Variants in MAN2B2 observed in about 807,000 individuals in gnomAD.
The protein encoded by MAN2B2 is epididymis-specific alpha-mannosidase.
A neutral mutation model predicts 117.1 loss-of-function variants in MAN2B2; 106 were observed. That is an observed-to-expected ratio of 0.90 (90% CI 0.77 to 1.06). MAN2B2 has a LOEUF of 1.06. Among genes scored for constraint, MAN2B2 ranks in the 50% least tolerant of loss-of-function variants. The pLI, the probability that MAN2B2 is intolerant of heterozygous loss-of-function variation, is 0.00. For missense variants in MAN2B2, 1,326 were observed against 1,381.4 expected (o/e 0.96, Z 0.64); for synonymous variants, 544 against 595.1 (o/e 0.91, Z 1.25).
chr4:6,589,004 C>T, intron 4 of MAN2B2, 41 bp from the exon 5 acceptor site: 1 of 1,483,052 alleles, frequency 6.7e-7, no homozygotes, highest in East Asian at 2.3e-5. Context: ...CTGGGGCAGC[C>T]ATGTGGCCCC....
chr4:6,595,077 C>T (rs16838983), intron 7 of MAN2B2, among the ~76,000 whole-genome samples: 2,770 of 152,304 alleles, frequency 0.018, 91 homozygotes, highest in African/African-American at 0.061. Context: ...ACCTCTTCTA[C>T]GAGCCCTTTC....
intron 6 of MAN2B2, among the ~76,000 whole-genome samples, 177 bp from the exon 7 acceptor site, chr4:6,594,357 G>A (rs1292607358): frequency 1.3e-5 from 2 of 152,158 alleles, no homozygotes; most frequent in African/African-American, 2.4e-5. Context: ...ACTTGAACCC[G>A]GGAGGCGGAG....
chr4:6,611,276 C>T lies in MAN2B2; in HGVS notation c.2561C>T (p.Ala854Val), dbSNP rs190137231. ...HRPVVLFGDL[A>V]GTAPKLPGPQ... is the part of the protein sequence containing the mutation. ...CCCGTGGTGCTGTTCGGAGACCTCG[C>T]TGGTAAAGGGGCACCCTTTCAGAGT... Residue 854 changes from alanine to valine, a missense_variant and splice_region_variant, in exon 15 of 19, where the codon GCT becomes GTT. Coordinates refer to ENST00000285599, the MANE Select transcript of MAN2B2 (RefSeq NM_015274.3). 2.5e-6 allele frequency: 4 copies of T among 1,596,676 alleles called. No homozygotes were observed. In the East Asian group the frequency reaches 8.9e-5, roughly 36 times the overall value.
intron 7 of MAN2B2, among the ~76,000 whole-genome samples, chr4:6,596,150 GGTGGGCGTGGTATCCA>G (rs1232830659): frequency 3.2e-4 from 48 of 152,028 alleles, no homozygotes; most frequent in African/African-American, 1.1e-3. Context: ...GTGGTATCCA[GGTGGGCGTGGTATCCA>G]GGCGGGTGTG....
intron 5 of MAN2B2, among the ~76,000 whole-genome samples, chr4:6,591,668 T>C (rs1726864709): frequency 6.6e-6 from 1 of 152,160 alleles, no homozygotes; most frequent in South Asian, 2.1e-4. Flanking sequence ...CCTGGGGGCC[T>C]TCAAGGCTCA....
chr4:6,613,056 T>G (rs573967745), intron 15 of MAN2B2, among the ~76,000 whole-genome samples: 384 of 152,360 alleles, frequency 2.5e-3, no homozygotes, highest in Non-Finnish European at 4.4e-3. Flanking sequence ...CAAAAGGACC[T>G]AAGACTTGGA....
chr4:6,610,946 G>A lies in MAN2B2; in HGVS notation c.2326G>A (p.Glu776Lys). ...DGKSRLVLLSERAHGISSQGN... is the reference protein window; with the variant it reads ...DGKSRLVLLSKRAHGISSQGN... ...CAAAAGCAGGCTTGTGTTGCTGTCG[G>A]AGCGGGCACATGGCATCTCCAGCCA... Residue 776 changes from glutamate to lysine, a missense_variant, in exon 14 of 19, where the codon GAG becomes AAG. Coordinates refer to ENST00000285599, the MANE Select transcript of MAN2B2 (RefSeq NM_015274.3). 6.2e-7 allele frequency: 1 copy of A among 1,614,226 alleles called. No homozygotes were observed. Among genetic ancestry groups the A allele is most frequent in the Non-Finnish European group, 8.5e-7 (1 of 1,180,026 alleles).
At chr4:6,621,063 C>T in intron 18 of MAN2B2, 125 bp from the exon 19 acceptor site, 2 of 659,098 alleles carry the variant, frequency 3.0e-6, no homozygotes, top group Non-Finnish European at 5.4e-6. Flanking sequence ...AGATTGTAGA[C>T]AGGTGCAGGA....
intron 1 of MAN2B2, 143 bp from the exon 2 acceptor site, chr4:6,576,435 C>G: frequency 1.1e-6 from 1 of 944,960 alleles, no homozygotes; most frequent in Admixed American, 2.1e-5. Context: ...GAGCGAGTGC[C>G]TAATAGCTGT....
chr4:6,577,243 C>T (rs1281526473), intron 2 of MAN2B2, among the ~76,000 whole-genome samples: 3 of 152,196 alleles, frequency 2.0e-5, no homozygotes, highest in East Asian at 1.9e-4. Context: ...CCAGGGGACA[C>T]GACTAGCCCC....
At chr4:6,587,744 G>GTTT (rs1553912035) in intron 4 of MAN2B2, among the ~76,000 whole-genome samples, 3 of 128,044 alleles carry the variant, frequency 2.3e-5, no homozygotes, top group Non-Finnish European at 5.0e-5. Context: ...GGTCTTTTGG[G>GTTT]TTGTTGTTTT....
At chr4:6,617,336 G>A in intron 16 of MAN2B2, 44 bp from the exon 17 acceptor site, 1 of 1,486,042 alleles carries the variant, frequency 6.7e-7, no homozygotes, top group African/African-American at 1.4e-5. Flanking sequence ...CATTGGGGTT[G>A]GTTGATGAGG....
chr4:6,579,174 CCACCATCACCATCACCAG>C (rs1726254015), intron 3 of MAN2B2, among the ~76,000 whole-genome samples: 2 of 79,512 alleles, frequency 2.5e-5, no homozygotes, highest in East Asian at 1.3e-3. Flanking sequence ...ACCACCACCA[CCACCATCACCATCACCAG>C]CACCACCACC....
intron 16 of MAN2B2, among the ~76,000 whole-genome samples, chr4:6,614,870 G>A (rs1711783949): frequency 6.6e-6 from 1 of 152,364 alleles, no homozygotes; most frequent in African/African-American, 2.4e-5. Context: ...TAGAGCAGAA[G>A]CAATCAAGTC....
intron 16 of MAN2B2, among the ~76,000 whole-genome samples, chr4:6,615,335 C>CGGAA (rs1431023591): frequency 6.6e-6 from 1 of 152,162 alleles, no homozygotes; most frequent in African/African-American, 2.4e-5. Context: ...CTCACCATTC[C>CGGAA]TGCTGTGTGG....
At position 6,589,036 on chromosome 4, in the gene MAN2B2, G is replaced by A. The variant is rs577396572; in HGVS notation, c.565-9G>A. Reference sequence around the variant, plus strand: ...CCCCTCCAGCCTCATTCTTCTCCTCGGTTTGCAGGGGCTGCAGTTCGTGTG... The same window carrying A: ...CCCCTCCAGCCTCATTCTTCTCCTCAGTTTGCAGGGGCTGCAGTTCGTGTG... On this transcript the variant is annotated splice_polypyrimidine_tract_variant and intron_variant, in intron 4 of 18. Coordinates refer to ENST00000285599, the MANE Select transcript of MAN2B2 (RefSeq NM_015274.3). The A allele has an allele frequency of 2.2e-5, 36 of 1,610,124 alleles. No individual in the cohort carries two copies. The highest frequency in any genetic ancestry group is 1.1e-4 in the African/African-American group (8 of 74,922).
rs1041248725 is a variant in MAN2B2, at chr4:6,589,327, G to A, written c.680+167G>A. 3.3e-5 allele frequency among the ~76,000 whole-genome samples: 5 copies of A among 152,240 alleles called. 1 individual carries two copies. Among genetic ancestry groups the A allele is most frequent in the Admixed American group, 6.5e-5 (1 of 15,278 alleles). On this transcript the variant is annotated intron_variant, in intron 5 of 18. Transcript: ENST00000285599. Reference sequence around the variant, plus strand: ...GCAATCTTGGCTCACTGCAACCTCCGCCTCCTGGGTTCAAGCGATTCTTCT... The same window carrying A: ...GCAATCTTGGCTCACTGCAACCTCCACCTCCTGGGTTCAAGCGATTCTTCT...
rs763583742 is a variant in MAN2B2 at position 6,611,090 on chromosome 4, T to C, written c.2375T>C (p.Met792Thr). 61 of 1,613,052 alleles carry C rather than the reference T, an allele frequency of 3.8e-5. No individual in the cohort carries two copies. The South Asian group carries it at 5.5e-4, about 15-fold the overall frequency. The change falls in exon 15 of 19, where the codon ATG (methionine) becomes ACG (threonine). Residue 792 changes from methionine to threonine, a missense_variant. By Grantham distance (81) the Met-to-Thr change is moderately conservative. Transcript: ENST00000285599. ...SSQGNGQVEVMLHRRLWNNFD... is the reference protein window; with the variant it reads ...SSQGNGQVEVTLHRRLWNNFD... ...TCGGACAATGCCTTCCCGCAGGTCATGCTCCACCGGCGGCTGTGGAACAAC... is the reference window on the plus strand; with the variant it reads ...TCGGACAATGCCTTCCCGCAGGTCACGCTCCACCGGCGGCTGTGGAACAAC...
intron 11 of MAN2B2, among the ~76,000 whole-genome samples, chr4:6,607,900 TTC>T (rs1727613293): frequency 6.6e-6 from 1 of 152,208 alleles, no homozygotes; most frequent in Admixed American, 6.5e-5. Context: ...ACTTGTTATT[TTC>T]TGTCTTTTCA....
Sources: allele counts gnomAD v4.1 joint callset (sites outside exome capture counted in the v4.1 genomes callset), GRCh38; gene constraint gnomAD v4.1.1; transcripts MANE v1.5; gene names NCBI Gene and HGNC (gene_info 2026-07-23, HGNC 2026-07-21).